ECPAS: variants seen among roughly 807,000 people sequenced by gnomAD.
ECPAS encodes proteasome adapter and scaffold protein ECM29.
A neutral mutation model predicts 255.1 loss-of-function variants in ECPAS; 70 were observed. The ratio of observed to expected loss-of-function variants is 0.27; its 90% confidence interval spans 0.23 to 0.33. The LOEUF (loss-of-function observed/expected upper bound fraction) is 0.33, where lower values mean the gene tolerates loss of function less well. Among genes scored for constraint, ECPAS ranks in the 10% least tolerant of loss-of-function variants. The pLI is 1.00. For missense variants in ECPAS, 1,817 were observed against 2,206.4 expected (o/e 0.82, Z 3.54); for synonymous variants, 784 against 775.0 (o/e 1.01, Z -0.19).
At chr9:111,482,182 G>C (rs114619660) in intron 1 of ECPAS, among the ~76,000 whole-genome samples, 3 of 152,300 alleles carry the variant, frequency 2.0e-5, no homozygotes, top group Non-Finnish European at 2.9e-5. Flanking sequence ...ACGTGGAACC[G>C]ACAGAAGAGC....
intron 24 of ECPAS, among the ~76,000 whole-genome samples, chr9:111,406,585 C>T (rs911177838): frequency 5.3e-5 from 8 of 149,692 alleles, no homozygotes; most frequent in Admixed American, 2.0e-4. Flanking sequence ...GATCATTACA[C>T]ATTGTATGCT....
rs1010139720 is a variant in ECPAS at position 111,391,617 on chromosome 9, G to GT, written c.3161+138dup. The GT allele has an allele frequency of 1.5e-4, 76 of 519,954 alleles. No individual in the cohort carries two copies. The Admixed American group carries it at 2.3e-3, about 16-fold the overall frequency. 32.2% of individuals were successfully genotyped at this position (519,954 alleles called of 1,614,324 possible). ...AAAAAGACATCAGACTTTTTTCCAT[G>GT]TAAGTTTTCTTCTTCCACCAATAGA... On this transcript the variant is annotated intron_variant, in intron 29 of 49. Coordinates refer to ENST00000684092, the MANE Select transcript of ECPAS (RefSeq NM_001364929.1).
In ECPAS at chr9:111,418,022, A is replaced by G. The variant is rs2098207062; in HGVS notation, c.1560-16T>C. On this transcript the variant is annotated splice_polypyrimidine_tract_variant and intron_variant, in intron 16 of 49. Coordinates refer to ENST00000684092, the MANE Select transcript of ECPAS (RefSeq NM_001364929.1). Reference sequence around the variant, plus strand: ...TTCTTCACGTCTTTCAGAAAAAGACAAATAAGAATAAAAAATAAATGTCAC... The same window carrying G: ...TTCTTCACGTCTTTCAGAAAAAGACGAATAAGAATAAAAAATAAATGTCAC... The G allele has an allele frequency of 6.4e-7, 1 of 1,564,200 alleles. No homozygotes were observed. The highest frequency in any genetic ancestry group is 1.4e-5 in the African/African-American group (1 of 72,520).
At chr9:111,454,298 G>A (rs1015356960) in intron 2 of ECPAS, among the ~76,000 whole-genome samples, 2 of 147,490 alleles carry the variant, frequency 1.4e-5, no homozygotes, top group African/African-American at 5.0e-5. Flanking sequence ...TAAAGAAAAC[G>A]GTGGGGGGAG....
intron 38 of ECPAS, among the ~76,000 whole-genome samples, chr9:111,374,614 T>C (rs1422514369): frequency 6.6e-6 from 1 of 152,220 alleles, no homozygotes; most frequent in African/African-American, 2.4e-5. Flanking sequence ...TCCTAATCTA[T>C]AAATGCTAAA....
At chr9:111,387,577 T>C (rs1228126924) in intron 31 of ECPAS, among the ~76,000 whole-genome samples, 70 of 125,014 alleles carry the variant, frequency 5.6e-4, no homozygotes, top group African/African-American at 1.8e-3. Context: ...TCTCACTCAC[T>C]GTCAGTGCAG....
intron 1 of ECPAS, among the ~76,000 whole-genome samples, chr9:111,478,739 A>G (rs1424644666): frequency 3.3e-5 from 5 of 152,216 alleles, no homozygotes; most frequent in African/African-American, 1.2e-4. Context: ...ACATCTCAAA[A>G]TAACAGACCT....
chr9:111,424,597 C>T (rs770123360), intron 12 of ECPAS, among the ~76,000 whole-genome samples: 7 of 151,946 alleles, frequency 4.6e-5, no homozygotes, highest in African/African-American at 7.3e-5. Context: ...AATCCACAGT[C>T]CAAGGAATCC....
chr9:111,455,968 T>A (rs1457511076), intron 2 of ECPAS, among the ~76,000 whole-genome samples: 3 of 152,234 alleles, frequency 2.0e-5, no homozygotes, highest in Non-Finnish European at 2.9e-5. Context: ...TCACTGAAGC[T>A]AGGGGCGAAC....
chr9:111,441,458 T>C (rs976521432), intron 5 of ECPAS, among the ~76,000 whole-genome samples: 2 of 152,022 alleles, frequency 1.3e-5, no homozygotes, highest in Non-Finnish European at 2.9e-5. Flanking sequence ...TGAGCCAAGA[T>C]TGCGCCATTG....
intron 7 of ECPAS, among the ~76,000 whole-genome samples, chr9:111,435,173 A>C (rs2098236210): frequency 1.3e-5 from 2 of 152,116 alleles, no homozygotes; most frequent in South Asian, 4.1e-4. Context: ...GGCTGGGATT[A>C]CAGGCCCGAG....
chr9:111,433,130 G>T, intron 8 of ECPAS, 103 bp downstream of exon 8: 1 of 1,174,842 alleles, frequency 8.5e-7, no homozygotes. Context: ...TCTCCTCTAA[G>T]TTGAATGCCT....
In ECPAS at chr9:111,391,698, A is replaced by T. The variant is rs1315121643; in HGVS notation, c.3161+58T>A. On this transcript the variant is annotated intron_variant, in intron 29 of 49. Coordinates refer to ENST00000684092, the MANE Select transcript of ECPAS (RefSeq NM_001364929.1). ...TCATGACTGCTCTATTTACCAGACT[A>T]ATAAATGCATATATATATTTAAAGA... The T allele has an allele frequency of 2.8e-6, 3 of 1,054,064 alleles. No homozygotes were observed. The East Asian group carries it at 7.7e-5, about 27-fold the overall frequency. The allele number at this position is 1,054,064 out of a possible 1,614,324, so 65.3% of individuals were successfully genotyped here.
intron 17 of ECPAS, 30 bp from the exon 18 acceptor site, chr9:111,416,382 A>G: frequency 6.4e-7 from 1 of 1,554,890 alleles, no homozygotes; most frequent in Non-Finnish European, 8.9e-7. Flanking sequence ...AACAGACACA[A>G]TTACTGAAAA....
At chr9:111,379,341 T>C (rs950918131) in intron 35 of ECPAS, among the ~76,000 whole-genome samples, 3 of 152,264 alleles carry the variant, frequency 2.0e-5, no homozygotes, top group African/African-American at 7.2e-5. Context: ...TTACACTATA[T>C]TGTAGTCTAT....
In ECPAS at chr9:111,376,517, T is replaced by A; in HGVS notation, c.3979A>T (p.Ser1327Cys). 6.2e-7 allele frequency: 1 copy of A among 1,600,456 alleles called. No individual in the cohort carries two copies. Among genetic ancestry groups the A allele is most frequent in the Non-Finnish European group, 8.5e-7 (1 of 1,173,114 alleles). ...ATCATTGGAGAAGATTTGGCAGCAC[T>A]AAGCCGAGCACTATCCATCGCAGCC... ...EKAAMDSARL[S>C]AAKSSPMMET... is the part of the protein sequence containing the mutation. Residue 1327 changes from serine (S) to cysteine (C), a missense_variant, in exon 37 of 50, where the codon AGT becomes TGT. By Grantham distance (112) the Ser-to-Cys change is moderately radical. Transcript: ENST00000684092.
intron 2 of ECPAS, among the ~76,000 whole-genome samples, chr9:111,455,821 C>G (rs2098266247): frequency 6.6e-6 from 1 of 152,164 alleles, no homozygotes; most frequent in East Asian, 1.9e-4. Context: ...TGTGACTCCA[C>G]CAGAAGATTC....
intron 1 of ECPAS, among the ~76,000 whole-genome samples, chr9:111,479,901 C>A (rs1312707939): frequency 6.6e-6 from 1 of 151,436 alleles, no homozygotes; most frequent in Non-Finnish European, 1.5e-5. Flanking sequence ...ATTGCTTAAA[C>A]CCAGGCGGCA....
intron 1 of ECPAS, chr9:111,483,430 A>C (rs1003618466): frequency 3.8e-4 from 304 of 803,048 alleles, no homozygotes; most frequent in Non-Finnish European, 4.4e-4. Context: ...CCCAGCCCTC[A>C]TGCGGCCGCC....
Sources: gnomAD v4.1 joint callset for allele counts (sites outside exome capture counted in the v4.1 genomes callset) on GRCh38, gnomAD v4.1.1 for gene constraint, MANE v1.5 for transcripts, NCBI Gene and HGNC (gene_info 2026-07-23, HGNC 2026-07-21) for gene names.